The following IGF1R variants were observed in gnomAD, a reference collection of about 807,000 sequenced individuals.
IGF1R encodes insulin-like growth factor 1 receptor.
Under a neutral mutation model 144.6 loss-of-function variants are expected in IGF1R, and 44 were observed. The observed-to-expected ratio is 0.30, with a 90% CI of 0.24 to 0.39. The LOEUF is 0.39. IGF1R is among the 10% of genes least tolerant of loss of function. The pLI is 1.00. For synonymous variants in IGF1R, 795 were observed against 722.8 expected (o/e 1.10, Z -1.60); for missense variants, 1,355 against 1,833.7 (o/e 0.74, Z 4.77).
chr15:98,775,920 G>A (rs1368381544), intron 2 of IGF1R, among the ~76,000 whole-genome samples: 1 of 152,216 alleles, frequency 6.6e-6, no homozygotes. Context: ...AATTAGGGAG[G>A]TGTGTTGTGG....
intron 4 of IGF1R, 47 bp downstream of exon 4, chr15:98,896,952 C>G (rs2151652973): frequency 6.3e-7 from 1 of 1,592,634 alleles, no homozygotes; most frequent in East Asian, 2.2e-5. Context: ...TCATGGTTTT[C>G]TTTTGTTGAT....
intron 2 of IGF1R, among the ~76,000 whole-genome samples, chr15:98,810,592 A>T (rs1596322061): frequency 6.9e-6 from 1 of 144,682 alleles, no homozygotes; most frequent in African/African-American, 2.6e-5. Context: ...TCTGTAGCCC[A>T]GGCTGGAGTG....
At chr15:98,663,150 G>A (rs2052639577) in intron 1 of IGF1R, among the ~76,000 whole-genome samples, 1 of 152,178 alleles carries the variant, frequency 6.6e-6, no homozygotes, top group African/African-American at 2.4e-5. Context: ...GCCCAGCTGA[G>A]GGAGGTGACT....
intron 2 of IGF1R, among the ~76,000 whole-genome samples, chr15:98,778,971 A>G (rs781303728): frequency 2.6e-5 from 4 of 152,238 alleles, no homozygotes; most frequent in Non-Finnish European, 5.9e-5. Context: ...GAAAAGCAGA[A>G]GAGTAGTTTC....
At chr15:98,889,657 C>G (rs773860806) in intron 2 of IGF1R, among the ~76,000 whole-genome samples, 36 of 152,172 alleles carry the variant, frequency 2.4e-4, no homozygotes, top group Middle Eastern at 3.4e-3. Context: ...ATTTATATGT[C>G]CATGCACATA....
At position 98,730,878 on chromosome 15, in the gene IGF1R, T is replaced by C. The variant is rs998729980; in HGVS notation, c.640+22771T>C. Among the ~76,000 whole-genome samples, 9 of 152,326 alleles carry C rather than the reference T, an allele frequency of 5.9e-5. No individual in the cohort carries two copies. In the South Asian group the frequency reaches 1.7e-3, roughly 28 times the overall value. ...CTTACAGAAATATTAAAGAATATTA[T>C]CACATCATTGTAGTCACCGATGAAT... On this transcript the variant is annotated intron_variant, in intron 2 of 20. Transcript: ENST00000650285.
In IGF1R at chr15:98,837,813, C is replaced by T. The variant is rs778959167; in HGVS notation, c.641-53512C>T. ...ACTCTAAACAGTTTCATTCACCATA[C>T]TTTTCTCCAGGTAACTTTCTGGGTG... On this transcript the variant is annotated intron_variant, in intron 2 of 20. Transcript: ENST00000650285. Among the ~76,000 whole-genome samples the T allele has an allele frequency of 2.5e-4, 38 of 152,194 alleles. 2 individuals are homozygous for T. Among genetic ancestry groups the T allele is most frequent in the Admixed American group, 2.0e-4 (3 of 15,284 alleles).
In IGF1R at chr15:98,962,718, C is replaced by T. The variant is rs1174704171; in HGVS notation, c.*5276C>T. On this transcript the variant is annotated 3_prime_UTR_variant, in exon 21 of 21. Transcript: ENST00000650285. Reference sequence around the variant, plus strand: ...GTGCAGGGCTTGGAAGGAATGTGGGCAAGGTTTTGAACTTGATTGTTCTTG... The same window carrying T: ...GTGCAGGGCTTGGAAGGAATGTGGGTAAGGTTTTGAACTTGATTGTTCTTG... The T allele has an allele frequency of 4.3e-6, 1 of 233,464 alleles. No individual in the cohort carries two copies. The highest frequency in any genetic ancestry group is 8.5e-6 in the Non-Finnish European group (1 of 118,106). The allele number at this position is 233,464 out of a possible 1,614,324, so 14.5% of individuals were successfully genotyped here.
At chr15:98,740,117 A>C (rs953781405) in intron 2 of IGF1R, among the ~76,000 whole-genome samples, 3 of 152,222 alleles carry the variant, frequency 2.0e-5, no homozygotes, top group African/African-American at 7.2e-5. Context: ...ACTATAATCC[A>C]TTATTTACTT....
chr15:98,918,578 C>T (rs983011039), intron 10 of IGF1R, among the ~76,000 whole-genome samples: 2 of 152,074 alleles, frequency 1.3e-5, no homozygotes, highest in Non-Finnish European at 2.9e-5. Flanking sequence ...CCTCCTCTCT[C>T]GAAGTTCAAA....
intron 2 of IGF1R, among the ~76,000 whole-genome samples, chr15:98,798,470 T>G (rs1040628119): frequency 7.2e-5 from 11 of 152,032 alleles, no homozygotes; most frequent in African/African-American, 2.7e-4. Flanking sequence ...AACAGGACCA[T>G]GCTGGCAGCT....
chr15:98,950,960 C>T (rs907087397), intron 20 of IGF1R, among the ~76,000 whole-genome samples: 4 of 152,174 alleles, frequency 2.6e-5, no homozygotes, highest in Non-Finnish European at 5.9e-5. Context: ...TGTAAATGGC[C>T]GGCCAGCGGA....
At chr15:98,908,610 G>A in intron 5 of IGF1R, 75 bp from the exon 6 acceptor site, 1 of 1,070,652 alleles carries the variant, frequency 9.3e-7, no homozygotes, top group East Asian at 2.5e-5. Context: ...AAGAGGACCT[G>A]TGTTACGTGG....
At chr15:98,662,260 T>C (rs974194473) in intron 1 of IGF1R, among the ~76,000 whole-genome samples, 3 of 151,982 alleles carry the variant, frequency 2.0e-5, no homozygotes, top group Non-Finnish European at 4.4e-5. Flanking sequence ...GGATTACAGA[T>C]GTGAGCCACT....
intron 2 of IGF1R, among the ~76,000 whole-genome samples, chr15:98,717,910 G>A (rs557421845): frequency 2.0e-5 from 3 of 152,286 alleles, no homozygotes; most frequent in Admixed American, 1.3e-4. Flanking sequence ...GATGAAGCAT[G>A]TGCCTGTTTA....
intron 1 of IGF1R, among the ~76,000 whole-genome samples, chr15:98,688,525 G>A (rs1019119970): frequency 6.6e-5 from 10 of 151,718 alleles, no homozygotes; most frequent in Admixed American, 3.9e-4. Flanking sequence ...TAATGCTTTC[G>A]TTGGGGGTCT....
rs952198423 is a variant in IGF1R at position 98,962,429 on chromosome 15, A to T, written c.*4987A>T. 8.2e-5 allele frequency: 19 copies of T among 232,388 alleles called. No individual in the cohort carries two copies. Among genetic ancestry groups the T allele is most frequent in the African/African-American group, 2.0e-4 (9 of 44,354 alleles). 14.4% of individuals were successfully genotyped at this position (232,388 alleles called of 1,614,324 possible). ...TCCTTAAGAACCAGTGGCGAAAGAC[A>T]CTTTCTTTCTTCACTCTGAAGTAGC... On this transcript the variant is annotated 3_prime_UTR_variant, in exon 21 of 21. Coordinates refer to ENST00000650285, the MANE Select transcript of IGF1R (RefSeq NM_000875.5).
In IGF1R at chr15:98,911,406, G is replaced by A; in HGVS notation, c.1554G>A (p.Arg518=). The change falls in exon 7 of 21, where the codon AGG becomes AGA. Residue 518 remains arginine (R), a synonymous_variant. Coordinates refer to ENST00000650285, the MANE Select transcript of IGF1R (RefSeq NM_000875.5). ...TWHRYRPPDY[R]DLISFTVYYK... is the part of the protein sequence containing the mutation. ...ACCGGTACCGGCCCCCTGACTACAG[G>A]GATCTCATCAGCTTCACCGTTTACT... is the stretch of plus-strand genomic sequence containing the variant. The A allele has an allele frequency of 6.2e-7, 1 of 1,614,178 alleles. No homozygotes were observed. The highest frequency in any genetic ancestry group is 8.5e-7 in the Non-Finnish European group (1 of 1,180,036).
chr15:98,662,855 T>C (rs2052633268), intron 1 of IGF1R, among the ~76,000 whole-genome samples: 1 of 151,110 alleles, frequency 6.6e-6, no homozygotes, highest in Non-Finnish European at 1.5e-5. Flanking sequence ...ACTGATGGAG[T>C]GGAGAGGGTG....
Sources: gnomAD v4.1 joint callset for allele counts (sites outside exome capture counted in the v4.1 genomes callset) on GRCh38, gnomAD v4.1.1 for gene constraint, MANE v1.5 for transcripts, NCBI Gene and HGNC (gene_info 2026-07-23, HGNC 2026-07-21) for gene names.